Variants in RNF135 observed in about 807,000 individuals in gnomAD.
The protein encoded by RNF135 is ring finger protein 135.
A neutral mutation model predicts 41.9 loss-of-function variants in RNF135; 46 were observed. That is an observed-to-expected ratio of 1.10 (90% confidence interval 0.87 to 1.40). The LOEUF is 1.40. RNF135 is among the 40% of genes most tolerant of loss of function. The pLI is 0.00. For synonymous variants in RNF135, 238 were observed against 223.8 expected, an observed-to-expected ratio of 1.06 and a Z score of -0.57; for missense variants, 539 against 549.8, an observed-to-expected ratio of 0.98 and a Z score of 0.20.
intron 1 of RNF135, chr17:30,980,213 ACCCCCCCAC>A (rs1906976600): frequency 1.0e-5 from 1 of 95,398 alleles, no homozygotes; most frequent in African/African-American, 4.2e-5. Context: ...CGGGGGGCTG[ACCCCCCCAC>A]CTCCCTCCCG....
intron 1 of RNF135, among the ~76,000 whole-genome samples, chr17:30,981,144 G>T (rs1334118300): frequency 6.7e-6 from 1 of 149,646 alleles, no homozygotes; most frequent in Admixed American, 6.6e-5. Context: ...GATCACTCGC[G>T]GTTAGGAGCT....
chr17:30,963,931 A>C, the RNF135 span, among the ~76,000 whole-genome samples: 1 of 152,208 alleles, frequency 6.6e-6, no homozygotes, highest in African/African-American at 2.4e-5. Context: ...CCTGGACAGC[A>C]TAGCGTTCAA....
chr17:30,985,937 T>G (rs1052426696), intron 2 of RNF135, among the ~76,000 whole-genome samples: 2 of 152,172 alleles, frequency 1.3e-5, no homozygotes, highest in African/African-American at 4.8e-5. Context: ...GCACCCTTCA[T>G]GGAATGCTCT....
intron 2 of RNF135, 26 bp downstream of exon 2, chr17:30,984,786 A>G: frequency 6.2e-7 from 1 of 1,613,430 alleles, no homozygotes; most frequent in Non-Finnish European, 8.5e-7. Context: ...AGAGGAAAGG[A>G]TGTGGAAGGG....
intron 2 of RNF135, among the ~76,000 whole-genome samples, chr17:30,986,639 G>A (rs1438273640): frequency 6.6e-6 from 1 of 152,198 alleles, no homozygotes; most frequent in Admixed American, 6.5e-5. Context: ...GGATAGAAAC[G>A]CTGAGAGTCT....
intron 3 of RNF135, among the ~76,000 whole-genome samples, chr17:30,988,924 C>CTTTTTTTTT (rs572603845): frequency 1.0e-5 from 1 of 99,932 alleles, no homozygotes; most frequent in Non-Finnish European, 2.0e-5. Context: ...TTCTTTCTTT[C>CTTTTTTTTT]TTTTTTTTTT....
chr17:30,995,583 C>G (rs974941194), intron 3 of RNF135, among the ~76,000 whole-genome samples: 8 of 152,076 alleles, frequency 5.3e-5, no homozygotes, highest in Non-Finnish European at 8.8e-5. Context: ...ATTCCACATT[C>G]CTTCAACCCC....
chr17:30,962,844 A>G, the RNF135 span, among the ~76,000 whole-genome samples: 4 of 152,220 alleles, frequency 2.6e-5, no homozygotes, highest in Non-Finnish European at 5.9e-5. Context: ...GCTTAATTTT[A>G]TAACAAACTT....
the RNF135 span, among the ~76,000 whole-genome samples, chr17:30,960,985 T>A: frequency 3.3e-5 from 5 of 152,068 alleles, no homozygotes; most frequent in African/African-American, 9.7e-5. Context: ...GTGATCCACC[T>A]GCCTCGGCCT....
the RNF135 span, chr17:30,965,453 T>C: frequency 2.0e-5 from 3 of 152,162 alleles, no homozygotes; most frequent in African/African-American, 7.2e-5. Flanking sequence ...CCAAAAAATA[T>C]TAGATTGACA....
chr17:30,997,985 A>G (rs1017125149), intron 4 of RNF135, among the ~76,000 whole-genome samples: 2 of 152,244 alleles, frequency 1.3e-5, no homozygotes, highest in African/African-American at 4.8e-5. Context: ...TCAATCAGGA[A>G]GTTTCAGTTT....
chr17:30,978,779 G>T (rs1906689019), intron 1 of RNF135: 1 of 120,578 alleles, frequency 8.3e-6, no homozygotes, highest in African/African-American at 3.3e-5. Context: ...TGTGTCCCTG[G>T]GTACTTAAGA....
At chr17:30,968,145 G>A (rs1598068777), upstream of RNF135, among the ~76,000 whole-genome samples, 1 of 151,332 alleles carries the variant, frequency 6.6e-6, no homozygotes, top group Admixed American at 6.6e-5. Flanking sequence ...AAAATTAGCC[G>A]GGCATGGTGG....
the RNF135 span, among the ~76,000 whole-genome samples, chr17:30,961,069 G>A: frequency 1.3e-5 from 2 of 152,058 alleles, no homozygotes; most frequent in African/African-American, 4.8e-5. Flanking sequence ...TTCTTTCACA[G>A]CACATGATAC....
chr17:30,973,915 C>G (rs375110319), intron 1 of RNF135, among the ~76,000 whole-genome samples: 8 of 152,160 alleles, frequency 5.3e-5, no homozygotes, highest in African/African-American at 1.9e-4. Context: ...AGAGTCTATT[C>G]TCCATTGATT....
upstream of RNF135, chr17:30,970,901 C>T: frequency 1.1e-6 from 1 of 934,948 alleles, no homozygotes; most frequent in Non-Finnish European, 1.6e-6. Flanking sequence ...ACTGGAGGCT[C>T]TAAGTCTGTT....
upstream of RNF135, chr17:30,970,898 G>C (rs1283305405): frequency 1.1e-6 from 1 of 874,166 alleles, no homozygotes; most frequent in Non-Finnish European, 1.7e-6. Context: ...GGCACTGGAG[G>C]CTCTAAGTCT....
chr17:30,970,860 C>G (rs943108230), upstream of RNF135: 6 of 672,438 alleles, frequency 8.9e-6, no homozygotes, highest in African/African-American at 1.1e-4. Context: ...GAGGCCGCCA[C>G]TGAAGGTCAG....
chr17:30,975,735 T>C, intron 1 of RNF135: 2 of 1,359,794 alleles, frequency 1.5e-6, no homozygotes, highest in Non-Finnish European at 1.1e-6. Flanking sequence ...GCTCACCTGA[T>C]TGGCCTGGTG....
Sources: gnomAD v4.1 joint callset for allele counts (sites outside exome capture counted in the v4.1 genomes callset) on GRCh38, gnomAD v4.1.1 for gene constraint, MANE v1.5 for transcripts, NCBI Gene and HGNC (gene_info 2026-07-23, HGNC 2026-07-21) for gene names.